DPY19L2: variants seen among roughly 807,000 people sequenced by gnomAD.
DPY19L2 encodes dpy-19 like 2.
DPY19L2 carries 34 observed loss-of-function variants against 97.9 expected under a neutral mutation model. The ratio of observed to expected loss-of-function variants is 0.35; its 90% CI spans 0.26 to 0.46. DPY19L2 has a LOEUF of 0.46. DPY19L2 is among the 20% of genes least tolerant of loss of function. The probability of loss-of-function intolerance (pLI) is 1.00; values close to 1 mark genes in which losing one functional copy is unlikely to be tolerated. For missense variants in DPY19L2, 623 were observed against 911.4 expected (o/e 0.68, Z 4.07); for synonymous variants, 230 against 307.9 (o/e 0.75, Z 2.65).
At chr12:63,633,561 A>T (rs1891099099) in intron 6 of DPY19L2, among the ~76,000 whole-genome samples, 1 of 152,142 alleles carries the variant, frequency 6.6e-6, no homozygotes, top group African/African-American at 2.4e-5. Context: ...AAGTCAGGAA[A>T]CAACAGGTGC....
At chr12:63,648,377 C>T (rs1893718876) in intron 4 of DPY19L2, among the ~76,000 whole-genome samples, 1 of 150,976 alleles carries the variant, frequency 6.6e-6, no homozygotes, top group Non-Finnish European at 1.5e-5. Context: ...TGGCTCTACC[C>T]ATACCGTATA....
chr12:63,589,855 ACAGTGGCT>A (rs1334601204), intron 16 of DPY19L2, among the ~76,000 whole-genome samples: 1 of 152,176 alleles, frequency 6.6e-6, no homozygotes, highest in Non-Finnish European at 1.5e-5. Flanking sequence ...ATAGCCGGGC[ACAGTGGCT>A]CATGCCTGCA....
intron 6 of DPY19L2, among the ~76,000 whole-genome samples, chr12:63,637,269 G>A (rs1437748127): frequency 6.6e-6 from 1 of 152,052 alleles, no homozygotes; most frequent in East Asian, 1.9e-4. Flanking sequence ...CAGAATCTCT[G>A]GGACACATTT....
At chr12:63,644,605 C>T (rs912076259) in intron 5 of DPY19L2, 109 bp from the exon 6 acceptor site, 11 of 1,443,074 alleles carry the variant, frequency 7.6e-6, no homozygotes, top group South Asian at 2.9e-5. Flanking sequence ...TTGCTGAAAG[C>T]ATTTGCTTTC....
intron 6 of DPY19L2, among the ~76,000 whole-genome samples, chr12:63,641,096 G>A (rs1892622542): frequency 6.6e-6 from 1 of 151,996 alleles, no homozygotes; most frequent in South Asian, 2.1e-4. Context: ...AGTAGAGACA[G>A]GGCTTCACCT....
rs560127122 is a variant in DPY19L2 at position 63,632,878 on chromosome 12, T to C, written c.804-6352A>G. ...GTACCAAAACTGAGATATAGACCAA[T>C]GGAACAGAACAGAGCCCTCAGAAAT... On this transcript the variant is annotated intron_variant, in intron 6 of 21. Transcript: ENST00000324472. Among the ~76,000 whole-genome samples the C allele has an allele frequency of 3.8e-4, 58 of 152,062 alleles. 1 individual carries two copies. In the South Asian group the frequency reaches 0.011, roughly 28 times the overall value.
chr12:63,616,538 G>C lies in DPY19L2; in HGVS notation c.1218+766C>G, dbSNP rs566500278. 1.6e-3 allele frequency among the ~76,000 whole-genome samples: 251 copies of C among 152,158 alleles called. 1 individual carries two copies. Among genetic ancestry groups the C allele is most frequent in the African/African-American group, 5.9e-3 (245 of 41,526 alleles). ...TGGTATCATTTCTGATCAGTGTGGA[G>C]ATGGGAGGTACAGGAGAATATTCTA... On this transcript the variant is annotated intron_variant, in intron 11 of 21. Coordinates refer to ENST00000324472, the MANE Select transcript of DPY19L2 (RefSeq NM_173812.5).
chr12:63,595,317 A>G, intron 15 of DPY19L2, among the ~76,000 whole-genome samples: 1 of 152,158 alleles, frequency 6.6e-6, no homozygotes. Flanking sequence ...AAGATGGCTC[A>G]AGACTGCTTA....
chr12:63,633,358 A>C (rs1039205304), intron 6 of DPY19L2, among the ~76,000 whole-genome samples: 1 of 152,122 alleles, frequency 6.6e-6, no homozygotes, highest in African/African-American at 2.4e-5. Flanking sequence ...AACTCAAACA[A>C]ATTTACAAGA....
intron 7 of DPY19L2, among the ~76,000 whole-genome samples, chr12:63,624,338 G>T (rs942525538): frequency 1.3e-5 from 2 of 151,994 alleles, no homozygotes; most frequent in Non-Finnish European, 2.9e-5. Context: ...CCAGAAACCA[G>T]CAACAGATAT....
intron 4 of DPY19L2, among the ~76,000 whole-genome samples, chr12:63,655,506 G>A (rs1458094438): frequency 6.6e-6 from 1 of 152,090 alleles, no homozygotes; most frequent in Non-Finnish European, 1.5e-5. Context: ...ATGGGCATGG[G>A]AAAACAGTAG....
At chr12:63,564,102 T>C (rs181946396) in intron 21 of DPY19L2, among the ~76,000 whole-genome samples, 182 of 152,282 alleles carry the variant, frequency 1.2e-3, no homozygotes, top group African/African-American at 3.9e-3. Context: ...AAATCTTTCT[T>C]ATTCCTGATA....
intron 6 of DPY19L2, among the ~76,000 whole-genome samples, chr12:63,632,668 C>T (rs894491583): frequency 9.2e-5 from 14 of 152,122 alleles, no homozygotes; most frequent in Non-Finnish European, 1.6e-4. Flanking sequence ...CAATGGAATC[C>T]CCATCAAGCT....
chr12:63,606,425 T>G (rs1366368018), intron 12 of DPY19L2, among the ~76,000 whole-genome samples: 1 of 152,138 alleles, frequency 6.6e-6, no homozygotes, highest in East Asian at 1.9e-4. Context: ...CTGTGTTAAA[T>G]GTTTTCATTA....
intron 6 of DPY19L2, among the ~76,000 whole-genome samples, chr12:63,629,834 C>A (rs1480293471): frequency 6.6e-6 from 1 of 152,136 alleles, no homozygotes; most frequent in Non-Finnish European, 1.5e-5. Flanking sequence ...AGGTTACCCA[C>A]AAAGGGAAGC....
At chr12:63,602,953 C>T (rs371501692) in intron 12 of DPY19L2, among the ~76,000 whole-genome samples, 44 of 152,006 alleles carry the variant, frequency 2.9e-4, no homozygotes, top group African/African-American at 1.0e-3. Flanking sequence ...AAACTTACAA[C>T]AAAGGTTTTC....
chr12:63,626,407 A>G (rs962682784), intron 7 of DPY19L2, 62 bp downstream of exon 7: 5 of 1,472,076 alleles, frequency 3.4e-6, no homozygotes, highest in Non-Finnish European at 4.6e-6. Context: ...TTTGATGAGT[A>G]TATTTCCTTG....
intron 7 of DPY19L2, among the ~76,000 whole-genome samples, chr12:63,625,563 C>G (rs558276795): frequency 2.4e-4 from 36 of 152,242 alleles, no homozygotes; most frequent in African/African-American, 7.2e-4. Flanking sequence ...TTGAATGAAT[C>G]CATCATATTT....
intron 6 of DPY19L2, among the ~76,000 whole-genome samples, chr12:63,636,747 T>C (rs1891786026): frequency 6.6e-6 from 1 of 152,134 alleles, no homozygotes; most frequent in African/African-American, 2.4e-5. Flanking sequence ...ATCCTAAATA[T>C]ATATGCACCC....
Sources: gnomAD v4.1 joint callset for allele counts (sites outside exome capture counted in the v4.1 genomes callset) on GRCh38, gnomAD v4.1.1 for gene constraint, MANE v1.5 for transcripts, NCBI Gene and HGNC (gene_info 2026-07-23, HGNC 2026-07-21) for gene names.